The following TMEM132B variants were observed in gnomAD, a reference collection of about 807,000 sequenced individuals.
The protein encoded by TMEM132B is transmembrane protein 132B.
In TMEM132B, 18 loss-of-function variants were observed where a neutral mutation model predicts 90.8. That is an observed-to-expected ratio of 0.20 (90% CI 0.14 to 0.29). The LOEUF (loss-of-function observed/expected upper bound fraction) is 0.29. TMEM132B is among the 10% of genes least tolerant of loss of function. The pLI is 1.00. For synonymous variants in TMEM132B, 504 were observed against 523.3 expected (o/e 0.96, Z 0.50); for missense variants, 1,096 against 1,326.8 (o/e 0.83, Z 2.70).
intron 1 of TMEM132B, among the ~76,000 whole-genome samples, chr12:125,334,317 A>G (rs936831215): frequency 1.3e-5 from 2 of 152,132 alleles, no homozygotes; most frequent in Admixed American, 6.5e-5. Flanking sequence ...GCCCAGAACT[A>G]CCTCAGCACT....
At chr12:125,241,814 ATG>A (rs1396006708) in intron 1 of TMEM132B, among the ~76,000 whole-genome samples, 1 of 152,212 alleles carries the variant, frequency 6.6e-6, no homozygotes, top group Non-Finnish European at 1.5e-5. Context: ...ATAGATGTGT[ATG>A]AATAGAGTTT....
intron 1 of TMEM132B, among the ~76,000 whole-genome samples, chr12:125,192,013 G>C (rs1302270750): frequency 6.6e-6 from 1 of 152,222 alleles, no homozygotes; most frequent in Non-Finnish European, 1.5e-5. Context: ...GGCAAGAAAG[G>C]AAGGGCTGAT....
rs1222430358 is a variant in TMEM132B, at chr12:125,406,678, C to T, written c.960-8853C>T. Among the ~76,000 whole-genome samples the T allele has an allele frequency of 1.3e-5, 2 of 152,120 alleles. No individual in the cohort carries two copies. The highest frequency in any genetic ancestry group is 2.9e-5 in the Non-Finnish European group (2 of 68,028). ...TGCACGCTTCCTTCTCCAACCCCCGCCCATGGCAGACAGTGAAAGACTTGA... is the reference window on the plus strand; with the variant it reads ...TGCACGCTTCCTTCTCCAACCCCCGTCCATGGCAGACAGTGAAAGACTTGA... On this transcript the variant is annotated intron_variant, in intron 2 of 8. Coordinates refer to ENST00000682704, the MANE Select transcript of TMEM132B (RefSeq NM_001366854.1). This position sits in a 1 kb window ranked among gnomAD's most constrained non-coding sequence, Gnocchi z 8.3.
chr12:125,516,960 T>A (rs1883176045), intron 3 of TMEM132B, among the ~76,000 whole-genome samples: 1 of 152,148 alleles, frequency 6.6e-6, no homozygotes, highest in Non-Finnish European at 1.5e-5. Context: ...GGAATATGGT[T>A]GATGGGAAAT....
chr12:125,513,136 T>C (rs1883024098), intron 3 of TMEM132B, among the ~76,000 whole-genome samples: 2 of 152,220 alleles, frequency 1.3e-5, no homozygotes, highest in Admixed American at 1.3e-4. Flanking sequence ...TCTCCTTCAC[T>C]CACCTGCAGC....
chr12:125,506,683 A>C (rs1882854836), intron 3 of TMEM132B, among the ~76,000 whole-genome samples: 1 of 152,226 alleles, frequency 6.6e-6, no homozygotes, highest in Non-Finnish European at 1.5e-5. Flanking sequence ...AGCTTAATGC[A>C]CAAAAAAGGT....
intron 5 of TMEM132B, among the ~76,000 whole-genome samples, chr12:125,613,512 C>G (rs1326559321): frequency 2.0e-5 from 3 of 151,558 alleles, no homozygotes; most frequent in Non-Finnish European, 4.4e-5. Flanking sequence ...TGTCTCATAT[C>G]ACTTAAATTT....
In TMEM132B at chr12:125,660,784, C is replaced by G. The variant is rs1235900738; in HGVS notation, c.*6074C>G. ...AAATTTCTTTGGATTTAATGCTGCT[C>G]TTGGTCAGTTGTTCAAATGAAACAT... is the stretch of plus-strand genomic sequence containing the variant. On this transcript the variant is annotated 3_prime_UTR_variant, in exon 9 of 9. Transcript: ENST00000682704. 6.6e-6 allele frequency: 1 copy of G among 152,196 alleles called. No individual in the cohort carries two copies. Among genetic ancestry groups the G allele is most frequent in the Non-Finnish European group, 1.5e-5 (1 of 68,030 alleles). The allele number at this position is 152,196 out of a possible 1,614,324, so 9.4% of individuals were successfully genotyped here.
intron 4 of TMEM132B, among the ~76,000 whole-genome samples, chr12:125,552,230 C>T (rs1007071920): frequency 1.3e-5 from 2 of 152,160 alleles, no homozygotes; most frequent in Non-Finnish European, 1.5e-5. Context: ...CTAAGGAAAA[C>T]GTTGAATAGC....
At position 125,246,377 on chromosome 12, in the gene TMEM132B, G is replaced by A. The variant is rs1308261082; in HGVS notation, c.67+59511G>A. ...GCAAAGGATTATGAATATGAATAGG[G>A]GACTCGTTCTGTTCTGAGGAAGTCA... On this transcript the variant is annotated intron_variant, in intron 1 of 8. Transcript: ENST00000682704. The surrounding 1 kb of genome is among the most constrained non-coding windows in gnomAD (Gnocchi z 4.2). Among the ~76,000 whole-genome samples, 3 of 152,094 alleles carry A rather than the reference G, an allele frequency of 2.0e-5. No homozygotes were observed. The East Asian group carries it at 5.8e-4, about 29-fold the overall frequency.
At chr12:125,343,410 G>A (rs1215794098) in intron 1 of TMEM132B, among the ~76,000 whole-genome samples, 1 of 152,148 alleles carries the variant, frequency 6.6e-6, no homozygotes, top group Non-Finnish European at 1.5e-5. Context: ...AAACCTCATT[G>A]GGTGTACAGG....
At chr12:125,625,837 T>C (rs562533873) in intron 5 of TMEM132B, among the ~76,000 whole-genome samples, 22 of 152,350 alleles carry the variant, frequency 1.4e-4, no homozygotes, top group Admixed American at 1.3e-3. Flanking sequence ...ATTTTTCTTT[T>C]GCCATTCTAA....
intron 3 of TMEM132B, among the ~76,000 whole-genome samples, chr12:125,488,031 G>T (rs116367904): frequency 6.6e-6 from 1 of 152,074 alleles, no homozygotes; most frequent in East Asian, 1.9e-4. Flanking sequence ...CTGTTTGTCT[G>T]GAAAAGGCTG....
chr12:125,271,657 C>T (rs377661763), intron 1 of TMEM132B, among the ~76,000 whole-genome samples: 1 of 152,144 alleles, frequency 6.6e-6, no homozygotes, highest in East Asian at 1.9e-4. Flanking sequence ...CTACTATGTG[C>T]ACAGCTGGCA....
chr12:125,459,105 G>A lies in TMEM132B; in HGVS notation c.1106+43428G>A, dbSNP rs1447712889. ...CATCTTATGCCTGAGTGGAGCCAAC[G>A]AGGCCCCTGAGGCTCCCTGCTAATT... On this transcript the variant is annotated intron_variant, in intron 3 of 8. Coordinates refer to ENST00000682704, the MANE Select transcript of TMEM132B (RefSeq NM_001366854.1). The surrounding 1 kb of genome is among the most constrained non-coding windows in gnomAD (Gnocchi z 4.1). Among the ~76,000 whole-genome samples, 1 of 152,142 alleles carries A rather than the reference G, an allele frequency of 6.6e-6. No homozygotes were observed. The highest frequency in any genetic ancestry group is 1.5e-5 in the Non-Finnish European group (1 of 68,024).
intron 5 of TMEM132B, among the ~76,000 whole-genome samples, chr12:125,620,920 G>A (rs1018787636): frequency 1.3e-5 from 2 of 152,296 alleles, no homozygotes; most frequent in East Asian, 1.9e-4. Context: ...GGGATTATGG[G>A]AACTACAATT....
intron 1 of TMEM132B, among the ~76,000 whole-genome samples, chr12:125,254,782 C>A (rs943448145): frequency 6.6e-6 from 1 of 151,570 alleles, no homozygotes; most frequent in African/African-American, 2.4e-5. Context: ...CTCCCGAGTC[C>A]AAGTGATTCT....
chr12:125,474,047 C>A (rs886968217), intron 3 of TMEM132B, among the ~76,000 whole-genome samples: 2 of 131,884 alleles, frequency 1.5e-5, no homozygotes, highest in Non-Finnish European at 3.1e-5. Flanking sequence ...TCCTTCCTTC[C>A]TTCTTTCTTT....
At position 125,526,132 on chromosome 12, in the gene TMEM132B, CTACCCCGT is replaced by C. The variant is rs547248686; in HGVS notation, c.1293+6512_1293+6519del. On this transcript the variant is annotated intron_variant, in intron 4 of 8. Transcript: ENST00000682704. ...CTCGCCAGTGTCACAGGCTGCCCAG[CTACCCCGT>C]TACCAGCCTCCCTCCTCTGGGCCTC... Among the ~76,000 whole-genome samples, 790 of 152,268 alleles carry C rather than the reference CTACCCCGT, an allele frequency of 5.2e-3. 6 individuals are homozygous for C. Among genetic ancestry groups the C allele is most frequent in the Middle Eastern group, 0.017 (5 of 294 alleles).
Sources: gnomAD v4.1 joint callset for allele counts (sites outside exome capture counted in the v4.1 genomes callset) on GRCh38, gnomAD v4.1.1 for gene constraint, Gnocchi (gnomAD v3.1) non-coding constraint, MANE v1.5 for transcripts, NCBI Gene and HGNC (gene_info 2026-07-23, HGNC 2026-07-21) for gene names.